The following HNRNPA3 variants were observed in gnomAD, a reference collection of about 807,000 sequenced individuals.
HNRNPA3 encodes the protein heterogeneous nuclear ribonucleoprotein A3.
Under a neutral mutation model 45.8 loss-of-function variants are expected in HNRNPA3, and 3 were observed. The ratio of observed to expected loss-of-function variants is 0.07; its 90% CI spans 0.03 to 0.17. The LOEUF (loss-of-function observed/expected upper bound fraction) is 0.17. Among genes scored for constraint, HNRNPA3 ranks in the 10% least tolerant of loss-of-function variants. HNRNPA3 has a pLI of 1.00. For missense variants in HNRNPA3, 183 were observed against 480.3 expected (o/e 0.38, Z 5.79); for synonymous variants, 170 against 155.6 (o/e 1.09, Z -0.69).
At chr2:177,216,423 A>G (rs943512603) in intron 4 of HNRNPA3, 80 bp from the exon 5 acceptor site, 5 of 999,030 alleles carry the variant, frequency 5.0e-6, no homozygotes, top group African/African-American at 1.6e-5. Flanking sequence ...TGGGTTACAT[A>G]ATGACAGAGG....
chr2:177,215,722 C>CA (rs1558968959), intron 2 of HNRNPA3, 28 bp from the exon 3 acceptor site: 1 of 1,573,658 alleles, frequency 6.4e-7, no homozygotes, highest in South Asian at 1.2e-5. Flanking sequence ...GAGGTGTTTT[C>CA]AACGTTATAA....
intron 7 of HNRNPA3, 75 bp downstream of exon 7, chr2:177,217,015 C>T (rs1688971573): frequency 6.0e-6 from 8 of 1,336,964 alleles, no homozygotes; most frequent in Non-Finnish European, 8.0e-6. Flanking sequence ...TTACACTTTT[C>T]TAATTTTAGT....
chr2:177,222,707 C>CTTGA (rs1463542785), downstream of HNRNPA3: 1 of 152,394 alleles, frequency 6.6e-6, no homozygotes, highest in Admixed American at 6.5e-5. Context: ...GGGAGGCTGC[C>CTTGA]TTGATATCAG....
At chr2:177,213,149 CGAGGCCGAGGGCGGCATGG>C (rs1558966977) in intron 1 of HNRNPA3, among the ~76,000 whole-genome samples, 1 of 149,596 alleles carries the variant, frequency 6.7e-6, no homozygotes, top group Non-Finnish European at 1.5e-5. Context: ...GCCTCCGAAG[CGAGGCCGAGGGCGGCATGG>C]CGGGCCCCGG....
In HNRNPA3 at chr2:177,218,052, C is replaced by CTTTTTTTT. The variant is rs58476089; in HGVS notation, c.961+227_961+234dup. ...ACAAATGTACTCAGCTCTCTTTTTTCTTTTTTTTTTTTTTTTTTTTTTTTT... is the reference window on the plus strand; with the variant it reads ...ACAAATGTACTCAGCTCTCTTTTTTCTTTTTTTTTTTTTTTTTTTTTTTTTTTTTTTTT... On this transcript the variant is annotated intron_variant, in intron 8 of 10. Transcript: ENST00000392524. Among the ~76,000 whole-genome samples the CTTTTTTTT allele has an allele frequency of 1.4e-3, 142 of 102,160 alleles. 8 individuals carry two copies. The highest frequency in any genetic ancestry group is 2.4e-3 in the East Asian group (9 of 3,766). 67.0% of individuals were successfully genotyped at this position (102,160 alleles called of 152,430 possible).
chr2:177,216,108 T>C (rs1688920881), exon 4 of HNRNPA3: 5 of 1,562,252 alleles, frequency 3.2e-6, no homozygotes, highest in Non-Finnish European at 4.4e-6. Context: ...ATAGAAGTTA[T>C]GGAAGACAGG....
chr2:177,216,082 T>C (rs1166106633), exon 4 of HNRNPA3: 2 of 1,555,250 alleles, frequency 1.3e-6, no homozygotes, highest in Admixed American at 3.4e-5. Flanking sequence ...TTGAAAAGTA[T>C]GGCAAGATTG....
downstream of HNRNPA3, chr2:177,222,639 A>C (rs1306090633): frequency 6.6e-6 from 1 of 152,242 alleles, no homozygotes; most frequent in East Asian, 1.9e-4. Context: ...GAGCCTGTCA[A>C]CAAAAAATAG....
chr2:177,215,458 C>G (rs1004745070), intron 1 of HNRNPA3, 81 bp from the exon 2 acceptor site: 7 of 1,374,148 alleles, frequency 5.1e-6, no homozygotes, highest in Non-Finnish European at 7.2e-6. Context: ...GATTTTATTA[C>G]TTACCGTACA....
chr2:177,219,328 A>G lies in HNRNPA3; in HGVS notation c.*15+14A>G, dbSNP rs779162090. Reference sequence around the variant, plus strand: ...CAGCAGAAAAGGGTAGGTATCTTTAAATTTTTATTATGATGATAAAAGAAT... The same window carrying G: ...CAGCAGAAAAGGGTAGGTATCTTTAGATTTTTATTATGATGATAAAAGAAT... On this transcript the variant is annotated intron_variant, in intron 10 of 10. Coordinates refer to ENST00000392524, the Ensembl canonical transcript of HNRNPA3. The G allele has an allele frequency of 1.3e-6, 2 of 1,566,264 alleles. No homozygotes were observed. Among genetic ancestry groups the G allele is most frequent in the Non-Finnish European group, 1.7e-6 (2 of 1,143,664 alleles).
intron 7 of HNRNPA3, among the ~76,000 whole-genome samples, 194 bp from the exon 8 acceptor site, chr2:177,217,511 T>G (rs569715602): frequency 1.3e-5 from 2 of 152,324 alleles, no homozygotes; most frequent in Non-Finnish European, 2.9e-5. Flanking sequence ...ATGCCCATAG[T>G]CTAGCTACTC....
Position 177,214,059 on chromosome 2 carries a change from A to G in HNRNPA3, c.72+1188A>G, listed in dbSNP as rs550369515. ...CTAGGAGACACAGGAAGACATTAGAATGTAAATGTGAGCCCCTTATTTAAG... is the reference window on the plus strand; with the variant it reads ...CTAGGAGACACAGGAAGACATTAGAGTGTAAATGTGAGCCCCTTATTTAAG... On this transcript the variant is annotated intron_variant, in intron 1 of 10. Transcript: ENST00000392524. Among the ~76,000 whole-genome samples, 4 of 152,380 alleles carry G rather than the reference A, an allele frequency of 2.6e-5. No individual in the cohort carries two copies. The South Asian group carries it at 6.2e-4, about 24-fold the overall frequency.
At chr2:177,219,588 T>C (rs1188071800) in exon 11 of HNRNPA3, 4 of 307,922 alleles carry the variant, frequency 1.3e-5, no homozygotes, top group Non-Finnish European at 1.2e-5. Context: ...AGGACTGTCA[T>C]AGCCACAGTT....
intron 1 of HNRNPA3, among the ~76,000 whole-genome samples, chr2:177,214,881 C>T (rs907878233): frequency 1.2e-4 from 18 of 152,158 alleles, no homozygotes; most frequent in African/African-American, 3.6e-4. Context: ...ACTGCTTCTC[C>T]AACAGTTTAG....
chr2:177,216,597 G>A lies in HNRNPA3; in HGVS notation c.643+5G>A. 6.2e-7 allele frequency: 1 copy of A among 1,613,364 alleles called. No homozygotes were observed. Among genetic ancestry groups the A allele is most frequent in the Non-Finnish European group, 8.5e-7 (1 of 1,179,268 alleles). On this transcript the variant is annotated splice_donor_5th_base_variant and intron_variant, in intron 5 of 10. Transcript: ENST00000392524. Reference sequence around the variant, plus strand: ...AGTCTGCTGGATCACAGAGAGGTGAGTAGGACCATACACATGTATACAGTG... The same window carrying A: ...AGTCTGCTGGATCACAGAGAGGTGAATAGGACCATACACATGTATACAGTG...
At chr2:177,223,551 T>C (rs776901158), downstream of HNRNPA3, 3 of 152,204 alleles carry the variant, frequency 2.0e-5, no homozygotes, top group Non-Finnish European at 4.4e-5. Flanking sequence ...AGTATATTTG[T>C]TAAGTAACTA....
At chr2:177,222,518 G>C (rs1689226651), downstream of HNRNPA3, 1 of 152,268 alleles carries the variant, frequency 6.6e-6, no homozygotes. Context: ...AACATTAAAA[G>C]TTACCAGGGC....
intron 1 of HNRNPA3, among the ~76,000 whole-genome samples, chr2:177,214,981 G>A (rs1031713085): frequency 1.3e-4 from 20 of 152,120 alleles, no homozygotes; most frequent in African/African-American, 4.8e-4. Context: ...TTTTGATTCT[G>A]GAATTGTCTT....
At chr2:177,222,301 A>G (rs1202617129), downstream of HNRNPA3, 2 of 152,242 alleles carry the variant, frequency 1.3e-5, no homozygotes, top group African/African-American at 4.8e-5. Context: ...TTAGTTTTAA[A>G]AATTCCCCTG....
Sources: allele counts gnomAD v4.1 joint callset (sites outside exome capture counted in the v4.1 genomes callset), GRCh38; gene constraint gnomAD v4.1.1; transcripts MANE v1.5; gene names NCBI Gene and HGNC (gene_info 2026-07-23, HGNC 2026-07-21).